SNX2: variants seen among roughly 807,000 people sequenced by gnomAD.
The protein encoded by SNX2 is sorting nexin-2.
Under a neutral mutation model 69.9 loss-of-function variants are expected in SNX2, and 25 were observed. The observed-to-expected ratio is 0.36, with a 90% CI of 0.26 to 0.50. The LOEUF is 0.50. Ranked by LOEUF, SNX2 falls within the 20% of genes least tolerant of loss-of-function variation. SNX2 has a pLI of 0.97. For missense variants in SNX2, 551 were observed against 613.3 expected, an observed-to-expected ratio of 0.90 and a Z score of 1.07; for synonymous variants, 229 against 200.4, an observed-to-expected ratio of 1.14 and a Z score of -1.20.
chr5:122,830,680 TAGAC>T lies in SNX2; in HGVS notation c.*1035_*1038del, dbSNP rs1320487390. Among the ~76,000 whole-genome samples, 6 of 152,288 alleles carry T rather than the reference TAGAC, an allele frequency of 3.9e-5. No homozygotes were observed. The highest frequency in any genetic ancestry group is 1.9e-4 in the East Asian group (1 of 5,184). On this transcript the variant is annotated 3_prime_UTR_variant, in exon 15 of 15. Transcript: ENST00000379516. ...GTTTTTACCCATTCTGTATGCTACT[TAGAC>T]AGCTGTTATCTAATCCTTAATGCTG... is the stretch of plus-strand genomic sequence containing the variant.
chr5:122,787,514 TC>T (rs201879166), intron 1 of SNX2, among the ~76,000 whole-genome samples: 9 of 145,706 alleles, frequency 6.2e-5, no homozygotes, highest in African/African-American at 2.3e-4. Flanking sequence ...AGCAAGACTG[TC>T]CCCCCCCAAA....
At position 122,784,760 on chromosome 5, in the gene SNX2, C is replaced by T. The variant is rs569661841; in HGVS notation, c.108+9549C>T. ...ATGCTAGCTTCGTTAAGTGATTTGGCGAGTGTTTCCTCTTATTTCATATTC... is the reference window on the plus strand; with the variant it reads ...ATGCTAGCTTCGTTAAGTGATTTGGTGAGTGTTTCCTCTTATTTCATATTC... On this transcript the variant is annotated intron_variant, in intron 1 of 14. Coordinates refer to ENST00000379516, the MANE Select transcript of SNX2 (RefSeq NM_003100.4). Among the ~76,000 whole-genome samples the T allele has an allele frequency of 3.3e-5, 5 of 152,066 alleles. No individual in the cohort carries two copies. The South Asian group carries it at 8.3e-4, about 25-fold the overall frequency.
At chr5:122,794,530 G>A (rs1315184601) in intron 1 of SNX2, among the ~76,000 whole-genome samples, 1 of 152,150 alleles carries the variant, frequency 6.6e-6, no homozygotes, top group African/African-American at 2.4e-5. Context: ...TGGAATTTTG[G>A]TGTTTGGGCA....
chr5:122,783,271 C>T lies in SNX2; in HGVS notation c.108+8060C>T, dbSNP rs932917731. Among the ~76,000 whole-genome samples, 7 of 152,198 alleles carry T rather than the reference C, an allele frequency of 4.6e-5. No individual in the cohort carries two copies. In the East Asian group the frequency reaches 1.4e-3, roughly 29 times the overall value. ...GTGACTTGTTTTTTTGTTTGATTAA[C>T]CGTATCTTTCTCAGAGCAGATGTTT... On this transcript the variant is annotated intron_variant, in intron 1 of 14. Transcript: ENST00000379516.
rs1754331861 is a variant in SNX2, at chr5:122,833,198, T to A, written c.*3550T>A. 1 of 152,140 alleles carries A rather than the reference T, an allele frequency of 6.6e-6. No individual in the cohort carries two copies. Among genetic ancestry groups the A allele is most frequent in the Non-Finnish European group, 1.5e-5 (1 of 68,026 alleles). 9.4% of individuals were successfully genotyped at this position (152,140 alleles called of 1,614,324 possible). On this transcript the variant is annotated 3_prime_UTR_variant, in exon 15 of 15. Transcript: ENST00000379516. ...TCACAGTGAAGGATTTGGTTTCATGTAACAATGAAAGTAGATAATGGGTCA... is the reference window on the plus strand; with the variant it reads ...TCACAGTGAAGGATTTGGTTTCATGAAACAATGAAAGTAGATAATGGGTCA...
chr5:122,785,087 T>G (rs1157228349), intron 1 of SNX2, among the ~76,000 whole-genome samples: 1 of 152,144 alleles, frequency 6.6e-6, no homozygotes, highest in African/African-American at 2.4e-5. Flanking sequence ...TACTGGTAAT[T>G]TACATCTTCT....
intron 11 of SNX2, among the ~76,000 whole-genome samples, chr5:122,824,478 G>A (rs1443202565): frequency 1.3e-5 from 2 of 152,170 alleles, no homozygotes; most frequent in African/African-American, 2.4e-5. Context: ...AGACAAAGGA[G>A]ACAGTAAGAT....
chr5:122,787,094 C>G (rs1753107211), intron 1 of SNX2, among the ~76,000 whole-genome samples: 1 of 152,180 alleles, frequency 6.6e-6, no homozygotes, highest in Admixed American at 6.5e-5. Flanking sequence ...CCATAACTTT[C>G]TCATTTGGCA....
intron 7 of SNX2, chr5:122,808,573 T>TCGAG: frequency 2.7e-6 from 1 of 377,056 alleles, no homozygotes; most frequent in South Asian, 5.5e-5. Context: ...TCATCAATAG[T>TCGAG]CTAACAAAAT....
chr5:122,827,296 T>G, intron 12 of SNX2, 83 bp from the exon 13 acceptor site: 1 of 1,112,064 alleles, frequency 9.0e-7, no homozygotes, highest in Non-Finnish European at 1.3e-6. Flanking sequence ...TTTTCAGGCA[T>G]TGTGATTAAA....
intron 6 of SNX2, chr5:122,803,867 G>T (rs1281929204): frequency 1.8e-5 from 5 of 281,606 alleles, no homozygotes; most frequent in Non-Finnish European, 3.3e-5. Context: ...GGCCGTGTGT[G>T]GTGGCTCACA....
At chr5:122,820,394 G>A (rs1365562827) in intron 11 of SNX2, among the ~76,000 whole-genome samples, 3 of 152,140 alleles carry the variant, frequency 2.0e-5, no homozygotes, top group Non-Finnish European at 4.4e-5. Context: ...AAATCAGCTG[G>A]ACATGGTGGC....
chr5:122,781,002 G>A (rs1561438829), intron 1 of SNX2, among the ~76,000 whole-genome samples: 1 of 152,146 alleles, frequency 6.6e-6, no homozygotes, highest in African/African-American at 2.4e-5. Context: ...CATTAAGCAT[G>A]GAAAATTAGT....
chr5:122,827,809 A>G, intron 14 of SNX2, 163 bp downstream of exon 14: 1 of 583,670 alleles, frequency 1.7e-6, no homozygotes, highest in East Asian at 2.9e-5. Flanking sequence ...CTAATCGGAA[A>G]CTATCTCACG....
intron 14 of SNX2, 72 bp from the exon 15 acceptor site, chr5:122,829,526 C>T: frequency 1.6e-6 from 2 of 1,225,830 alleles, no homozygotes; most frequent in Non-Finnish European, 2.4e-6. Context: ...TTTTTTAATG[C>T]TGTACAGGAT....
chr5:122,817,290 A>T lies in SNX2; in HGVS notation c.923A>T (p.Glu308Val). The T allele has an allele frequency of 6.2e-7, 1 of 1,613,858 alleles. No individual in the cohort carries two copies. The change falls in exon 10 of 15, where the codon GAA becomes GTA. Residue 308 changes from glutamate (E) to valine (V), a missense_variant. Glu to Val is a moderately radical substitution (Grantham distance 121). Around this residue, in one of 2 missense-constraint regions of SNX2, gnomAD observed 360 missense variants for 450.4 expected, o/e 0.80. Coordinates refer to ENST00000379516, the MANE Select transcript of SNX2 (RefSeq NM_003100.4). Reference protein sequence around the residue: ...KMNESDAWFEEKQQQFENLDQ... With the variant: ...KMNESDAWFEVKQQQFENLDQ... The stretch of plus-strand genomic sequence containing the variant: ...TCATTTTTTTCTTAGTGGTTTGAAG[A>T]AAAGCAGCAGCAATTTGAGAATCTG...
chr5:122,819,087 T>G, intron 11 of SNX2, 64 bp downstream of exon 11: 3 of 1,306,832 alleles, frequency 2.3e-6, no homozygotes, highest in Non-Finnish European at 3.2e-6. Flanking sequence ...TTGTTTCCTA[T>G]TAATTATGTA....
intron 7 of SNX2, among the ~76,000 whole-genome samples, chr5:122,813,167 C>G (rs1753819506): frequency 6.6e-6 from 1 of 152,054 alleles, no homozygotes; most frequent in African/African-American, 2.4e-5. Context: ...CCGTGTCTTT[C>G]CTTTGTATTA....
chr5:122,820,026 A>G (rs955467800), intron 11 of SNX2, among the ~76,000 whole-genome samples: 3 of 152,192 alleles, frequency 2.0e-5, no homozygotes, highest in African/African-American at 7.2e-5. Context: ...TTAATTTCTC[A>G]GTATTTAGAA....
Sources: gnomAD v4.1 joint callset for allele counts (sites outside exome capture counted in the v4.1 genomes callset) on GRCh38, gnomAD v4.1.1 for gene constraint, gnomAD v4.1.1 regional missense constraint, MANE v1.5 for transcripts, NCBI Gene and HGNC (gene_info 2026-07-23, HGNC 2026-07-21) for gene names.